Variants in NAA11 observed in about 807,000 individuals in gnomAD.
The protein encoded by NAA11 is N-alpha-acetyltransferase 11, NatA catalytic subunit, also known as N-alpha-acetyltransferase 11.
A neutral mutation model predicts 16.1 loss-of-function variants in NAA11; 15 were observed. The observed-to-expected ratio is 0.93, with a 90% CI of 0.62 to 1.44. The LOEUF is 1.44. NAA11 is among the 40% of genes most tolerant of loss of function. The pLI is 0.00. For missense variants in NAA11, 298 were observed against 291.3 expected, an observed-to-expected ratio of 1.02 and a Z score of -0.17; for synonymous variants, 122 against 112.4, an observed-to-expected ratio of 1.09 and a Z score of -0.54.
At chr4:79,250,014 C>G (rs963626795) in intron 2 of NAA11, among the ~76,000 whole-genome samples, 1 of 152,194 alleles carries the variant, frequency 6.6e-6, no homozygotes, top group African/African-American at 2.4e-5. Context: ...TGGCTATGGC[C>G]CACCCAGGAG....
chr4:79,179,206 G>C, the NAA11 span, among the ~76,000 whole-genome samples: 1 of 151,994 alleles, frequency 6.6e-6, no homozygotes, highest in Non-Finnish European at 1.5e-5. Context: ...TTTTTGTTTT[G>C]TTTTGTTTTG....
At position 79,325,995 on chromosome 4, in the gene NAA11, G is replaced by C. The variant is rs191868614; in HGVS notation, c.-118C>G. ...TCCAGGGGGCTAACACCACCGGGCT[G>C]AATCGTGTGGAGGGCGGATGGCGGG... On this transcript the variant is annotated 5_prime_UTR_variant, in exon 1 of 2. Coordinates refer to ENST00000286794, the MANE Select transcript of NAA11 (RefSeq NM_032693.3). 7 of 814,336 alleles carry C rather than the reference G, an allele frequency of 8.6e-6. No homozygotes were observed. The African/African-American group carries it at 8.7e-5, about 10-fold the overall frequency. The allele number at this position is 814,336 out of a possible 1,614,324, so 50.4% of individuals were successfully genotyped here.
chr4:79,194,371 C>T, the NAA11 span, among the ~76,000 whole-genome samples: 2 of 152,028 alleles, frequency 1.3e-5, no homozygotes, highest in Admixed American at 1.3e-4. Context: ...AAGAAACATA[C>T]ATGTAGTGAA....
chr4:79,163,899 A>T, the NAA11 span, among the ~76,000 whole-genome samples: 15 of 152,208 alleles, frequency 9.9e-5, no homozygotes, highest in South Asian at 2.1e-4. Context: ...TCTATTGATC[A>T]TTTAGTTTTA....
At chr4:79,182,759 C>T in the NAA11 span, among the ~76,000 whole-genome samples, 1 of 152,092 alleles carries the variant, frequency 6.6e-6, no homozygotes, top group South Asian at 2.1e-4. Context: ...CAACTTTATA[C>T]GGACAGACAC....
intron 1 of NAA11, among the ~76,000 whole-genome samples, chr4:79,295,204 G>T (rs1011243613): frequency 1.3e-5 from 2 of 152,184 alleles, no homozygotes; most frequent in African/African-American, 4.8e-5. Flanking sequence ...GGAGTCAAAA[G>T]GTGCAATGCA....
At chr4:79,305,951 A>G (rs547099213) in intron 1 of NAA11, among the ~76,000 whole-genome samples, 2 of 152,288 alleles carry the variant, frequency 1.3e-5, no homozygotes, top group East Asian at 3.9e-4. Flanking sequence ...ATTTATAAAA[A>G]CAGATGTTTC....
chr4:79,325,685 CTGG>C lies in NAA11; in HGVS notation c.190_192del (p.Pro64del), dbSNP rs200057652. The C allele has an allele frequency of 1.7e-3, 2,679 of 1,614,182 alleles. 83 individuals carry two copies. The Admixed American group carries it at 0.043, about 26-fold the overall frequency. ...GTGATATGGCCATGCGGGACATCAT[CTGG>C]TTCCTCCTCCATTTTGGCCAGAACA... On this transcript the variant is annotated inframe_deletion, in exon 1 of 2. Transcript: ENST00000286794.
intron 1 of NAA11, among the ~76,000 whole-genome samples, chr4:79,304,489 T>A (rs961905607): frequency 5.9e-5 from 9 of 152,226 alleles, no homozygotes; most frequent in African/African-American, 1.4e-4. Flanking sequence ...TAAAGACATT[T>A]TTTATTTTGC....
chr4:79,173,455 CCATCT>C, the NAA11 span, among the ~76,000 whole-genome samples: 3 of 151,888 alleles, frequency 2.0e-5, no homozygotes, highest in Non-Finnish European at 4.4e-5. Flanking sequence ...GTCTTGTTTA[CCATCT>C]CATCTCATAC....
the NAA11 span, among the ~76,000 whole-genome samples, chr4:79,178,403 A>G: frequency 2.0e-5 from 3 of 152,218 alleles, no homozygotes; most frequent in Admixed American, 2.0e-4. Flanking sequence ...CAGTTACTGG[A>G]TATTTTTAAA....
At chr4:79,264,383 G>A (rs977560595) in intron 2 of NAA11, among the ~76,000 whole-genome samples, 2 of 152,086 alleles carry the variant, frequency 1.3e-5, no homozygotes, top group African/African-American at 4.8e-5. Flanking sequence ...AAAATAGGCT[G>A]TAAATCTCCC....
chr4:79,195,530 T>C, the NAA11 span, among the ~76,000 whole-genome samples: 3 of 152,116 alleles, frequency 2.0e-5, no homozygotes, highest in Non-Finnish European at 2.9e-5. Context: ...TCCAGTAAGC[T>C]AGTTTAATGC....
chr4:79,192,405 T>C, the NAA11 span, among the ~76,000 whole-genome samples: 2 of 120,190 alleles, frequency 1.7e-5, no homozygotes, highest in Non-Finnish European at 3.2e-5. Flanking sequence ...CAGGCCCTGG[T>C]GTGTGATGTT....
the NAA11 span, among the ~76,000 whole-genome samples, chr4:79,169,390 A>C: frequency 1.3e-5 from 2 of 152,212 alleles, no homozygotes; most frequent in African/African-American, 4.8e-5. Context: ...ACAGCATGGT[A>C]CTGGTACCAA....
At chr4:79,161,020 A>G in the NAA11 span, among the ~76,000 whole-genome samples, 1 of 152,146 alleles carries the variant, frequency 6.6e-6, no homozygotes, top group Non-Finnish European at 1.5e-5. Context: ...GATTAATCCA[A>G]GATTACAAGG....
downstream of NAA11, among the ~76,000 whole-genome samples, chr4:79,221,737 A>G (rs1343405157): frequency 7.8e-6 from 1 of 128,794 alleles, no homozygotes; most frequent in Non-Finnish European, 1.7e-5. Flanking sequence ...ACTTGATCAT[A>G]GTGGATAAGC....
At chr4:79,214,061 C>T in the NAA11 span, among the ~76,000 whole-genome samples, 1 of 152,146 alleles carries the variant, frequency 6.6e-6, no homozygotes, top group Non-Finnish European at 1.5e-5. Flanking sequence ...GGATTATTTA[C>T]ACCACCACAA....
At chr4:79,233,846 C>T (rs1283521902) in intron 2 of NAA11, among the ~76,000 whole-genome samples, 1 of 151,952 alleles carries the variant, frequency 6.6e-6, no homozygotes, top group Non-Finnish European at 1.5e-5. Context: ...AGGCCCATAA[C>T]TTTTGCTATT....
Sources: gnomAD v4.1 joint callset for allele counts (sites outside exome capture counted in the v4.1 genomes callset) on GRCh38, gnomAD v4.1.1 for gene constraint, MANE v1.5 for transcripts, NCBI Gene and HGNC (gene_info 2026-07-23, HGNC 2026-07-21) for gene names.